The following CATSPERQ variants were observed in gnomAD, a reference collection of about 807,000 sequenced individuals.
CATSPERQ encodes the protein catsper channel auxiliary subunit theta, also known as cation channel sperm-associated auxiliary subunit theta.
chr8:144,353,791 G>T, the CATSPERQ span: 1 of 1,535,524 alleles, frequency 6.5e-7, no homozygotes, highest in Non-Finnish European at 8.7e-7. Context: ...GTAGTGCTCC[G>T]ACAGCTGCAC....
At chr8:144,353,701 C>T in the CATSPERQ span, 1 of 1,511,374 alleles carries the variant, frequency 6.6e-7, no homozygotes, top group Non-Finnish European at 8.9e-7. Context: ...CGTGCGGAAA[C>T]GGCCCCACCC....
chr8:144,353,820 C>A, the CATSPERQ span: 3 of 1,535,466 alleles, frequency 2.0e-6, no homozygotes, highest in Non-Finnish European at 2.6e-6. Context: ...GGGGCTCCAA[C>A]CTGTGGCCGC....
At chr8:144,353,231 G>A in the CATSPERQ span, 4 of 1,297,264 alleles carry the variant, frequency 3.1e-6, no homozygotes, top group South Asian at 1.5e-5. Flanking sequence ...CCGTGTGGAA[G>A]CTGAGGCAGC....
At chr8:144,353,633 GC>G in the CATSPERQ span, 1 of 1,451,000 alleles carries the variant, frequency 6.9e-7, no homozygotes, top group Non-Finnish European at 9.2e-7. Flanking sequence ...CCTGCCCGAA[GC>G]CCCGGCGCCC....
At chr8:144,354,338 G>C in the CATSPERQ span, 1 of 1,532,860 alleles carries the variant, frequency 6.5e-7, no homozygotes, top group South Asian at 1.2e-5. The surrounding 1 kb of genome is among the most constrained non-coding windows in gnomAD (Gnocchi z 4.6). Context: ...AAGACTGGGG[G>C]TGGCGCGGCG....
the CATSPERQ span, chr8:144,354,806 G>A: frequency 6.6e-7 from 1 of 1,521,400 alleles, no homozygotes; most frequent in South Asian, 1.2e-5. The surrounding 1 kb of genome is among the most constrained non-coding windows in gnomAD (Gnocchi z 4.6). Flanking sequence ...CCGCTCGTCC[G>A]CTGCCGCCGC....
At chr8:144,354,851 C>G in the CATSPERQ span, 1 of 1,482,264 alleles carries the variant, frequency 6.7e-7, no homozygotes, top group South Asian at 1.3e-5. This position sits in a 1 kb window ranked among gnomAD's most constrained non-coding sequence, Gnocchi z 4.6. Context: ...CCTCGGTGAG[C>G]AAATTCTCCA....
chr8:144,354,406 G>C, the CATSPERQ span: 2 of 1,452,522 alleles, frequency 1.4e-6, no homozygotes, highest in East Asian at 2.5e-5. This position sits in a 1 kb window ranked among gnomAD's most constrained non-coding sequence, Gnocchi z 4.6. Flanking sequence ...GGCTTGGCCC[G>C]GACTAGCTGG....
chr8:144,354,798 G>A, the CATSPERQ span: 19 of 1,524,124 alleles, frequency 1.2e-5, no homozygotes, highest in African/African-American at 9.6e-5. The surrounding 1 kb of genome is among the most constrained non-coding windows in gnomAD (Gnocchi z 4.6). Context: ...CAGCCTGGCC[G>A]CTCGTCCGCT....
the CATSPERQ span, chr8:144,354,489 C>G: frequency 4.4e-6 from 6 of 1,352,686 alleles, no homozygotes; most frequent in Non-Finnish European, 4.8e-6. This position sits in a 1 kb window ranked among gnomAD's most constrained non-coding sequence, Gnocchi z 4.6. Context: ...GCCGGCCCCA[C>G]CCAGGGCCCT....
At chr8:144,353,769 G>A in the CATSPERQ span, 42 of 1,535,358 alleles carry the variant, frequency 2.7e-5, no homozygotes, top group African/African-American at 5.1e-4. Context: ...GTGTCTGGGC[G>A]GGACCCACCT....
At chr8:144,354,831 G>T in the CATSPERQ span, 2 of 1,506,954 alleles carry the variant, frequency 1.3e-6, no homozygotes, top group Non-Finnish European at 1.8e-6. The surrounding 1 kb of genome is among the most constrained non-coding windows in gnomAD (Gnocchi z 4.6). Flanking sequence ...TGCCCACAGC[G>T]GCACTCCTAC....
chr8:144,354,761 T>C, the CATSPERQ span: 1 of 1,535,030 alleles, frequency 6.5e-7, no homozygotes. The surrounding 1 kb of genome is among the most constrained non-coding windows in gnomAD (Gnocchi z 4.6). Context: ...GCCCGGCCCT[T>C]AGGCATCTGA....
chr8:144,354,444 T>G, the CATSPERQ span: 1 of 1,306,714 alleles, frequency 7.7e-7, no homozygotes, highest in Admixed American at 2.9e-5. The surrounding 1 kb of genome is among the most constrained non-coding windows in gnomAD (Gnocchi z 4.6). Context: ...GGAGGCGACG[T>G]CTCGCCTGCG....
the CATSPERQ span, chr8:144,354,189 G>T: frequency 1.3e-6 from 2 of 1,542,180 alleles, no homozygotes; most frequent in Non-Finnish European, 1.7e-6. The surrounding 1 kb of genome is among the most constrained non-coding windows in gnomAD (Gnocchi z 4.6). Flanking sequence ...GCGCGGGGCC[G>T]GCCCTCAGGG....
the CATSPERQ span, chr8:144,353,877 G>T: frequency 6.5e-7 from 1 of 1,532,070 alleles, no homozygotes; most frequent in Non-Finnish European, 8.7e-7. Flanking sequence ...CGGGGAGAGC[G>T]GACTTAGCCA....
At chr8:144,354,496 C>T in the CATSPERQ span, 1 of 1,379,224 alleles carries the variant, frequency 7.3e-7, no homozygotes, top group Non-Finnish European at 9.5e-7. The surrounding 1 kb of genome is among the most constrained non-coding windows in gnomAD (Gnocchi z 4.6). Context: ...CCACCCAGGG[C>T]CCTGGCCCTG....
the CATSPERQ span, chr8:144,353,656 C>A: frequency 3.4e-6 from 5 of 1,463,302 alleles, no homozygotes; most frequent in African/African-American, 7.0e-5. Flanking sequence ...CTCCACGGCC[C>A]CCAGCACCGA....
the CATSPERQ span, chr8:144,354,578 AGCCCCGCCCCGCCCC>A: frequency 1.3e-5 from 3 of 222,618 alleles, no homozygotes; most frequent in African/African-American, 1.2e-4. This position sits in a 1 kb window ranked among gnomAD's most constrained non-coding sequence, Gnocchi z 4.6. Flanking sequence ...CGCCCTTCCC[AGCCCCGCCCCGCCCC>A]GCCCCGCCCA....
Sources: gnomAD v4.1 joint callset for allele counts on GRCh38, gnomAD v4.1.1 for gene constraint, Gnocchi (gnomAD v3.1) non-coding constraint, MANE v1.5 for transcripts, NCBI Gene and HGNC (gene_info 2026-07-23, HGNC 2026-07-21) for gene names.